NUBPL: variants seen among roughly 807,000 people sequenced by gnomAD.
NUBPL encodes the protein iron-sulfur cluster transfer protein NUBPL.
Under a neutral mutation model 45.7 loss-of-function variants are expected in NUBPL, and 31 were observed. That is an observed-to-expected ratio of 0.68 (90% CI 0.51 to 0.92). The LOEUF (loss-of-function observed/expected upper bound fraction) is 0.92, where lower values mean the gene tolerates loss of function less well. Among genes scored for constraint, NUBPL ranks in the 40% least tolerant of loss-of-function variants. The pLI is 0.00. For missense variants in NUBPL, 401 were observed against 398.7 expected (o/e 1.01, Z -0.05); for synonymous variants, 144 against 140.9 (o/e 1.02, Z -0.15).
chr14:31,692,570 T>C (rs1200560343), intron 6 of NUBPL, among the ~76,000 whole-genome samples: 1 of 152,226 alleles, frequency 6.6e-6, no homozygotes. Flanking sequence ...TTCTCTAGGC[T>C]TCTGATAATG....
chr14:31,851,525 TATG>T (rs2040538624), intron 10 of NUBPL, among the ~76,000 whole-genome samples: 1 of 152,222 alleles, frequency 6.6e-6, no homozygotes, highest in East Asian at 1.9e-4. Flanking sequence ...TTGCTGGCGA[TATG>T]ATCTCTGAGT....
intron 6 of NUBPL, among the ~76,000 whole-genome samples, chr14:31,751,686 C>T (rs1469618082): frequency 6.6e-6 from 1 of 152,238 alleles, no homozygotes; most frequent in Non-Finnish European, 1.5e-5. Flanking sequence ...GTGGATCTAC[C>T]ATGCTGGGGT....
At chr14:31,790,664 A>T (rs2039364252) in intron 7 of NUBPL, among the ~76,000 whole-genome samples, 2 of 151,784 alleles carry the variant, frequency 1.3e-5, no homozygotes, top group Non-Finnish European at 2.9e-5. Flanking sequence ...ATCCTGGCTA[A>T]CATGGTGAAA....
chr14:31,655,879 A>G (rs1352790941), intron 4 of NUBPL, among the ~76,000 whole-genome samples: 2 of 152,208 alleles, frequency 1.3e-5, no homozygotes, highest in Non-Finnish European at 2.9e-5. Flanking sequence ...ATTAGCCCCT[A>G]TTAAGAGAGT....
chr14:31,793,326 A>G (rs2039417009), intron 7 of NUBPL, among the ~76,000 whole-genome samples: 1 of 152,092 alleles, frequency 6.6e-6, no homozygotes, highest in South Asian at 2.1e-4. Context: ...GTCAGTGAGT[A>G]CTCAAATCCT....
rs541010967 is a variant in NUBPL, at chr14:31,564,488, T to C, written c.257-526T>C. Reference sequence around the variant, plus strand: ...GAGGATTGCTTGAGCCAGGGCAACATGGCAAGACCCTGTCTGTAAAAAAAA... The same window carrying C: ...GAGGATTGCTTGAGCCAGGGCAACACGGCAAGACCCTGTCTGTAAAAAAAA... On this transcript the variant is annotated intron_variant, in intron 2 of 10. Transcript: ENST00000281081. Among the ~76,000 whole-genome samples the C allele has an allele frequency of 1.2e-3, 150 of 126,090 alleles. 1 individual carries two copies. Among genetic ancestry groups the C allele is most frequent in the African/African-American group, 4.5e-3 (146 of 32,232 alleles). 82.7% of individuals were successfully genotyped at this position (126,090 alleles called of 152,430 possible). A position where few individuals can be genotyped will look rare whatever the true frequency, so the allele number is the denominator to read the frequency against.
At chr14:31,622,689 G>T (rs757700141) in intron 4 of NUBPL, among the ~76,000 whole-genome samples, 1 of 152,232 alleles carries the variant, frequency 6.6e-6, no homozygotes, top group Admixed American at 6.5e-5. Context: ...TCCACATGCT[G>T]TTGGGCCTGC....
At chr14:31,757,670 A>T (rs968395589) in intron 6 of NUBPL, among the ~76,000 whole-genome samples, 3 of 152,144 alleles carry the variant, frequency 2.0e-5, no homozygotes, top group Non-Finnish European at 4.4e-5. Flanking sequence ...TAATTTTTGA[A>T]ACTAAGTGAT....
chr14:31,620,226 A>G (rs2035023472), intron 4 of NUBPL, among the ~76,000 whole-genome samples: 1 of 152,050 alleles, frequency 6.6e-6, no homozygotes, highest in Non-Finnish European at 1.5e-5. Context: ...GGGTTAGAAC[A>G]TACTCCTGTA....
At chr14:31,748,321 T>C (rs760466115) in intron 6 of NUBPL, among the ~76,000 whole-genome samples, 31 of 152,220 alleles carry the variant, frequency 2.0e-4, no homozygotes, top group Non-Finnish European at 4.1e-4. Context: ...GTCCATTTGG[T>C]CTATAGTACA....
At chr14:31,811,903 G>C (rs150738294) in intron 7 of NUBPL, among the ~76,000 whole-genome samples, 12 of 152,152 alleles carry the variant, frequency 7.9e-5, no homozygotes, top group Non-Finnish European at 1.5e-4. Context: ...GTTTGATTTT[G>C]CTAGAAGTCC....
chr14:31,636,206 A>G (rs1435388397), intron 4 of NUBPL, among the ~76,000 whole-genome samples: 2 of 152,222 alleles, frequency 1.3e-5, no homozygotes, highest in Non-Finnish European at 1.5e-5. Context: ...TTGCCCATTC[A>G]GTATGATATT....
chr14:31,603,720 C>T (rs192054922), intron 4 of NUBPL, among the ~76,000 whole-genome samples: 2 of 151,962 alleles, frequency 1.3e-5, no homozygotes, highest in African/African-American at 4.8e-5. Flanking sequence ...TAACATTGAC[C>T]CTAGCAGTAG....
chr14:31,732,622 T>C (rs1253530357), intron 6 of NUBPL, among the ~76,000 whole-genome samples: 6 of 142,396 alleles, frequency 4.2e-5, no homozygotes, highest in Non-Finnish European at 6.1e-5. Context: ...TTTTTTTTTT[T>C]TTTTTTTGAG....
chr14:31,808,857 T>A (rs2039743347), intron 7 of NUBPL, among the ~76,000 whole-genome samples: 2 of 152,232 alleles, frequency 1.3e-5, no homozygotes, highest in South Asian at 4.1e-4. Flanking sequence ...AGGCCTTTTC[T>A]GCATCTATTG....
chr14:31,637,382 C>T (rs1324551071), intron 4 of NUBPL, among the ~76,000 whole-genome samples: 2 of 152,098 alleles, frequency 1.3e-5, no homozygotes, highest in Non-Finnish European at 2.9e-5. Flanking sequence ...GTTCAGTTTC[C>T]ATGTAGTTGA....
chr14:31,669,458 G>T (rs8020748), intron 4 of NUBPL, among the ~76,000 whole-genome samples: 59,166 of 139,272 alleles, frequency 0.42, 11,820 homozygotes, highest in South Asian at 0.49. Context: ...CCTTTTCTTT[G>T]CTTTTTTTTT....
At chr14:31,568,446 T>C (rs533810713) in intron 3 of NUBPL, among the ~76,000 whole-genome samples, 25 of 152,316 alleles carry the variant, frequency 1.6e-4, no homozygotes, top group African/African-American at 5.3e-4. Context: ...GAAAATAAAA[T>C]ATAAAAACTC....
chr14:31,622,844 G>C (rs2035102294), intron 4 of NUBPL, among the ~76,000 whole-genome samples: 1 of 152,222 alleles, frequency 6.6e-6, no homozygotes, highest in Admixed American at 6.5e-5. Context: ...TGCAGAGGGG[G>C]ATATGTTAGA....
Sources: gnomAD v4.1 joint callset for allele counts (sites outside exome capture counted in the v4.1 genomes callset) on GRCh38, gnomAD v4.1.1 for gene constraint, MANE v1.5 for transcripts, NCBI Gene and HGNC (gene_info 2026-07-23, HGNC 2026-07-21) for gene names.